Variants in COPZ2 observed in about 807,000 individuals in gnomAD.
The protein encoded by COPZ2 is coat protein complex I subunit zeta 2.
A neutral mutation model predicts 33.2 loss-of-function variants in COPZ2; 30 were observed. That is an observed-to-expected ratio of 0.90 (90% CI 0.68 to 1.23). The LOEUF (loss-of-function observed/expected upper bound fraction) is 1.23, where lower values mean the gene tolerates loss of function less well. COPZ2 is among the 50% of genes most tolerant of loss of function. The probability of loss-of-function intolerance (pLI) is 0.00; values close to 1 mark genes in which losing one functional copy is unlikely to be tolerated. For missense variants in COPZ2, 263 were observed against 262.4 expected, an observed-to-expected ratio of 1.00 and a Z score of -0.02; for synonymous variants, 89 against 102.6, an observed-to-expected ratio of 0.87 and a Z score of 0.80.
chr17:48,033,618 C>T (rs917375333), intron 3 of COPZ2, among the ~76,000 whole-genome samples: 5 of 152,162 alleles, frequency 3.3e-5, no homozygotes, highest in Non-Finnish European at 7.3e-5. Context: ...CAGTTGGCCT[C>T]CTCAGCTAGA....
chr17:48,029,153 T>C lies in COPZ2; in HGVS notation c.518A>G (p.Gln173Arg). 6.3e-7 allele frequency: 1 copy of C among 1,578,806 alleles called. No individual in the cohort carries two copies. The highest frequency in any genetic ancestry group is 8.6e-7 in the Non-Finnish European group (1 of 1,162,074). ...AAAATTCACCTTCTGGATCACTTGCTGGGGGTCACTCTCCAGAATCACACT... is the reference window on the plus strand; with the variant it reads ...AAAATTCACCTTCTGGATCACTTGCCGGGGGTCACTCTCCAGAATCACACT... ...DGGVILESDP[Q>R]QVIQKVNFRA... The change falls in exon 7 of 9, where the codon CAG becomes CGG. Residue 173 changes from glutamine (Q) to arginine (R), a missense_variant. Coordinates refer to ENST00000621465, the MANE Select transcript of COPZ2 (RefSeq NM_016429.4).
chr17:48,034,282 A>G (rs552777234), intron 2 of COPZ2, among the ~76,000 whole-genome samples: 83 of 152,120 alleles, frequency 5.5e-4, no homozygotes, highest in African/African-American at 1.9e-3. Flanking sequence ...CTAATTTTGT[A>G]TTTTTAGTAG....
chr17:48,043,471 G>A, the COPZ2 span: 3 of 967,340 alleles, frequency 3.1e-6, no homozygotes, highest in African/African-American at 3.5e-5. Flanking sequence ...AATGTCAAGA[G>A]GGGGAGGTGT....
At chr17:48,041,826 G>A (rs1227801278), upstream of COPZ2, among the ~76,000 whole-genome samples, 1 of 127,924 alleles carries the variant, frequency 7.8e-6, no homozygotes, top group East Asian at 2.2e-4. Flanking sequence ...TTTTTTTTTG[G>A]CTCATATTTA....
In COPZ2 at chr17:48,032,759, G is replaced by A. The variant is rs766408350; in HGVS notation, c.361-18C>T. ...AGCATCAGCTGGGATGGGCAGATAC[G>A]GGAGGAGGAAAAGGAGAGTTTGAGA... On this transcript the variant is annotated intron_variant, in intron 4 of 8. Coordinates refer to ENST00000621465, the MANE Select transcript of COPZ2 (RefSeq NM_016429.4). 14 of 1,580,332 alleles carry A rather than the reference G, an allele frequency of 8.9e-6. No homozygotes were observed. The highest frequency in any genetic ancestry group is 4.6e-5 in the East Asian group (2 of 43,418).
upstream of COPZ2, among the ~76,000 whole-genome samples, chr17:48,042,140 TTC>T (rs1167031034): frequency 6.6e-6 from 1 of 151,978 alleles, no homozygotes; most frequent in African/African-American, 2.4e-5. Context: ...TTTTCTTTTT[TTC>T]TTTTTTTTGA....
In COPZ2 at chr17:48,029,119, T is replaced by C; in HGVS notation, c.546+6A>G. 1 of 1,574,848 alleles carries C rather than the reference T, an allele frequency of 6.3e-7. No homozygotes were observed. The highest frequency in any genetic ancestry group is 8.6e-7 in the Non-Finnish European group (1 of 1,159,978). The stretch of plus-strand genomic sequence containing the variant: ...TAAAAGAGGAGGTGTCCAGGAAGAC[T>C]CTTACCCTAAAATTCACCTTCTGGA... On this transcript the variant is annotated splice_donor_region_variant and intron_variant, in intron 7 of 8. Transcript: ENST00000621465.
At chr17:48,039,164 T>A (rs2037035810), upstream of COPZ2, among the ~76,000 whole-genome samples, 1 of 152,032 alleles carries the variant, frequency 6.6e-6, no homozygotes, top group South Asian at 2.1e-4. Context: ...TTATTTTTTT[T>A]ATTTTTGTAG....
chr17:48,043,544 C>T, the COPZ2 span: 1 of 985,400 alleles, frequency 1.0e-6, no homozygotes, highest in African/African-American at 1.7e-5. Context: ...CTAAAGCTTC[C>T]ATGCTCTGTC....
At chr17:48,042,841 T>C (rs529132584), upstream of COPZ2, among the ~76,000 whole-genome samples, 159 of 152,318 alleles carry the variant, frequency 1.0e-3, no homozygotes, top group East Asian at 5.8e-4. Context: ...GACAAGATTC[T>C]CCCCAATGAT....
At chr17:48,034,386 A>G (rs898309629) in intron 2 of COPZ2, among the ~76,000 whole-genome samples, 1 of 152,160 alleles carries the variant, frequency 6.6e-6, no homozygotes, top group African/African-American at 2.4e-5. Flanking sequence ...GATTACAGGC[A>G]TGAGCCACTG....
At position 48,037,518 on chromosome 17, in the gene COPZ2, T is replaced by A; in HGVS notation, c.111+149A>T. 1.3e-6 allele frequency: 1 copy of A among 769,952 alleles called. No homozygotes were observed. The highest frequency in any genetic ancestry group is 1.6e-6 in the Non-Finnish European group (1 of 612,562). 47.7% of individuals were successfully genotyped at this position (769,952 alleles called of 1,614,324 possible). A position where few individuals can be genotyped will look rare whatever the true frequency, so the allele number is the denominator to read the frequency against. On this transcript the variant is annotated intron_variant, in intron 1 of 8. Transcript: ENST00000621465. This position sits in a 1 kb window ranked among gnomAD's most constrained non-coding sequence, Gnocchi z 5.6. ...TCTCCGGTCGGCGCTGGGACGAACT[T>A]TTCCTCCCGGGTCCTGGGGCCAGTC... is the stretch of plus-strand genomic sequence containing the variant.
Position 48,029,162 on chromosome 17 carries a change from C to G in COPZ2, c.509G>C (p.Ser170Thr). Reference sequence around the variant, plus strand: ...CTTCTGGATCACTTGCTGGGGGTCACTCTCCAGAATCACACTACAAGATGA... The same window carrying G: ...CTTCTGGATCACTTGCTGGGGGTCAGTCTCCAGAATCACACTACAAGATGA... ...EIVDGGVILE[S>T]DPQQVIQKVN... The change falls in exon 7 of 9, where the codon AGT (serine) becomes ACT (threonine). Residue 170 changes from serine (S) to threonine (T), a missense_variant. Transcript: ENST00000621465. 1 of 1,577,336 alleles carries G rather than the reference C, an allele frequency of 6.3e-7. No homozygotes were observed. The highest frequency in any genetic ancestry group is 8.6e-7 in the Non-Finnish European group (1 of 1,161,324).
rs2036999434 is a variant in COPZ2 at position 48,037,189 on chromosome 17, C to A, written c.112-264G>T. 1.4e-6 allele frequency: 1 copy of A among 714,714 alleles called. No individual in the cohort carries two copies. The highest frequency in any genetic ancestry group is 1.4e-5 in the South Asian group (1 of 71,990). The allele number at this position is 714,714 out of a possible 1,614,324, so 44.3% of individuals were successfully genotyped here. A position where few individuals can be genotyped will look rare whatever the true frequency, so the allele number is the denominator to read the frequency against. ...CCTTCCGGGCCCAAGTTCTGTCATG[C>A]ACTGACTGCTCCAGAGCCCGAGTCG... On this transcript the variant is annotated intron_variant, in intron 1 of 8. Transcript: ENST00000621465. The surrounding 1 kb of genome is among the most constrained non-coding windows in gnomAD (Gnocchi z 5.6).
At chr17:48,044,403 CTTT>C in the COPZ2 span, among the ~76,000 whole-genome samples, 12 of 101,762 alleles carry the variant, frequency 1.2e-4, no homozygotes, top group South Asian at 4.2e-4. Context: ...CAATCTTTTG[CTTT>C]TTTTTTTTTT....
upstream of COPZ2, among the ~76,000 whole-genome samples, chr17:48,038,625 C>A (rs2037029015): frequency 6.6e-6 from 1 of 152,116 alleles, no homozygotes; most frequent in South Asian, 2.1e-4. Flanking sequence ...CATAATGGAC[C>A]CTCATTTTAA....
At chr17:48,041,193 A>AATATTTATTGAG (rs1175775510), upstream of COPZ2, among the ~76,000 whole-genome samples, 1 of 152,028 alleles carries the variant, frequency 6.6e-6, no homozygotes, top group African/African-American at 2.4e-5. Context: ...GTGCTGTACA[A>AATATTTATTGAG]ATATTTATTG....
chr17:48,028,324 G>A lies in COPZ2; in HGVS notation c.585+148C>T. 4.0e-6 allele frequency: 3 copies of A among 756,060 alleles called. No homozygotes were observed. Among genetic ancestry groups the A allele is most frequent in the Non-Finnish European group, 6.2e-6 (3 of 485,698 alleles). The allele number at this position is 756,060 out of a possible 1,614,324, so 46.8% of individuals were successfully genotyped here. A position where few individuals can be genotyped will look rare whatever the true frequency, so the allele number is the denominator to read the frequency against. ...CCTCCAGTGAGTCTTTCCAAGATAT[G>A]ACCTGTCACTGCCTCATCCCTTCCC... On this transcript the variant is annotated intron_variant, in intron 8 of 8. Transcript: ENST00000621465. This position sits in a 1 kb window ranked among gnomAD's most constrained non-coding sequence, Gnocchi z 4.5.
At chr17:48,030,222 G>T (rs984142408) in intron 6 of COPZ2, among the ~76,000 whole-genome samples, 38 of 151,480 alleles carry the variant, frequency 2.5e-4, no homozygotes, top group African/African-American at 9.0e-4. Flanking sequence ...AGGAGGCAGA[G>T]GTTGCAGTGA....
Sources: allele counts gnomAD v4.1 joint callset (sites outside exome capture counted in the v4.1 genomes callset), GRCh38; gene constraint gnomAD v4.1.1; non-coding constraint Gnocchi (gnomAD v3.1); transcripts MANE v1.5; gene names NCBI Gene and HGNC (gene_info 2026-07-23, HGNC 2026-07-21).